The following TRAF7 variants were observed in gnomAD, a reference collection of about 807,000 sequenced individuals.
The protein encoded by TRAF7 is TNF receptor associated factor 7.
TRAF7 carries 45 observed loss-of-function variants against 89.3 expected under a neutral mutation model. The ratio of observed to expected loss-of-function variants is 0.50; its 90% confidence interval spans 0.40 to 0.65. The LOEUF (loss-of-function observed/expected upper bound fraction) is 0.65, where lower values mean the gene tolerates loss of function less well. Ranked by LOEUF, TRAF7 falls within the 30% of genes least tolerant of loss-of-function variation. The pLI, the probability that TRAF7 is intolerant of heterozygous loss-of-function variation, is 0.00. For synonymous variants in TRAF7, 406 were observed against 369.2 expected, an observed-to-expected ratio of 1.10 and a Z score of -1.14; for missense variants, 677 against 918.1, an observed-to-expected ratio of 0.74 and a Z score of 3.39.
chr16:2,175,282 C>T lies in TRAF7; in HGVS notation c.1387-19C>T. On this transcript the variant is annotated intron_variant, in intron 15 of 20. Coordinates refer to ENST00000326181, the MANE Select transcript of TRAF7 (RefSeq NM_032271.3). ...GGCAGGGCTTGGTGCCCTGAGGCTGCCGGTCCTTCCCCAATCAGGTGTGGG... is the reference window on the plus strand; with the variant it reads ...GGCAGGGCTTGGTGCCCTGAGGCTGTCGGTCCTTCCCCAATCAGGTGTGGG... 6.2e-7 allele frequency: 1 copy of T among 1,612,702 alleles called. No homozygotes were observed. Among genetic ancestry groups the T allele is most frequent in the South Asian group, 1.1e-5 (1 of 91,078 alleles).
rs768721743 is a variant in TRAF7 at position 2,157,260 on chromosome 16, G to A, written c.-39+1402G>A. Among the ~76,000 whole-genome samples, 9 of 152,246 alleles carry A rather than the reference G, an allele frequency of 5.9e-5. 1 individual carries two copies. Among genetic ancestry groups the A allele is most frequent in the African/African-American group, 1.9e-4 (8 of 41,552 alleles). ...TGGGCATTCATAGTTCTCTGTGGAA[G>A]CCTCGGGCCCCGTGTCCTGAGGGGG... On this transcript the variant is annotated intron_variant, in intron 1 of 20. Transcript: ENST00000326181.
intron 3 of TRAF7, 78 bp from the exon 4 acceptor site, chr16:2,167,999 G>T: frequency 7.2e-7 from 1 of 1,380,250 alleles, no homozygotes; most frequent in Middle Eastern, 2.4e-4. Context: ...CACAGGGTCG[G>T]GTATCCAGCA....
chr16:2,166,412 T>C (rs764061342), intron 3 of TRAF7, among the ~76,000 whole-genome samples: 6 of 151,974 alleles, frequency 3.9e-5, no homozygotes, highest in Non-Finnish European at 8.8e-5. Flanking sequence ...GATCCATAAG[T>C]CTGGTTTGTT....
intron 4 of TRAF7, among the ~76,000 whole-genome samples, chr16:2,169,602 C>G (rs1303829481): frequency 6.6e-6 from 1 of 152,196 alleles, no homozygotes; most frequent in East Asian, 1.9e-4. Flanking sequence ...GTGGGAGACT[C>G]TGGGGTAGTA....
chr16:2,169,910 A>G (rs1394800387), intron 4 of TRAF7, among the ~76,000 whole-genome samples: 1 of 152,134 alleles, frequency 6.6e-6, no homozygotes, highest in African/African-American at 2.4e-5. Flanking sequence ...TCTGCAGTCA[A>G]AGCACCAGGA....
At chr16:2,166,066 C>T in intron 3 of TRAF7, 130 bp downstream of exon 3, 1 of 1,120,094 alleles carries the variant, frequency 8.9e-7, no homozygotes, top group Non-Finnish European at 1.3e-6. Context: ...CGGGCAGCCT[C>T]ACACCGCAGC....
chr16:2,167,223 G>A (rs568976456), intron 3 of TRAF7, among the ~76,000 whole-genome samples: 45 of 152,286 alleles, frequency 3.0e-4, no homozygotes, highest in African/African-American at 7.2e-4. Flanking sequence ...GCCCCTCGGC[G>A]GCAGGGATGG....
chr16:2,177,972 G>A lies in TRAF7; in HGVS notation c.*1398G>A, dbSNP rs758817740. On this transcript the variant is annotated 3_prime_UTR_variant, in exon 21 of 21. Transcript: ENST00000326181. The stretch of plus-strand genomic sequence containing the variant: ...CTGGGCCTCTAACAGCTTTTGTCCG[G>A]AGCTAGACTTCGTGTCCTTTCAGTT... 1 of 381,078 alleles carries A rather than the reference G, an allele frequency of 2.6e-6. No homozygotes were observed. The highest frequency in any genetic ancestry group is 4.9e-6 in the Non-Finnish European group (1 of 202,876). 23.6% of individuals were successfully genotyped at this position (381,078 alleles called of 1,614,324 possible).
chr16:2,171,444 GGCCTTGGTCAA>G, intron 6 of TRAF7, 88 bp downstream of exon 6: 2 of 1,542,862 alleles, frequency 1.3e-6, no homozygotes, highest in South Asian at 1.2e-5. Context: ...GTGGCGCCCT[GGCCTTGGTCAA>G]GGCCTGTCCT....
At chr16:2,156,529 G>T (rs1221203305) in intron 1 of TRAF7, among the ~76,000 whole-genome samples, 2 of 152,116 alleles carry the variant, frequency 1.3e-5, no homozygotes, top group African/African-American at 4.8e-5. Context: ...GTACTGGCCG[G>T]GGGTAGGGGC....
rs1449938656 is a variant in TRAF7 at position 2,159,616 on chromosome 16, G to A, written c.-39+3758G>A. ...CCCTGGGCAGGCTCTGTGATGCCAG[G>A]GGCCACGCTCGGAGCTCTGGCCGCA... On this transcript the variant is annotated intron_variant, in intron 1 of 20. Coordinates refer to ENST00000326181, the MANE Select transcript of TRAF7 (RefSeq NM_032271.3). This position sits in a 1 kb window ranked among gnomAD's most constrained non-coding sequence, Gnocchi z 6.5. Among the ~76,000 whole-genome samples the A allele has an allele frequency of 6.6e-6, 1 of 152,180 alleles. No individual in the cohort carries two copies. The highest frequency in any genetic ancestry group is 6.5e-5 in the Admixed American group (1 of 15,294).
rs549179412 is a variant in TRAF7 at position 2,177,384 on chromosome 16, C to T, written c.*810C>T. The T allele has an allele frequency of 5.1e-4, 118 of 233,640 alleles. 2 individuals carry two copies. The East Asian group carries it at 6.0e-3, about 12-fold the overall frequency. The allele number at this position is 233,640 out of a possible 1,614,324, so 14.5% of individuals were successfully genotyped here. A position where few individuals can be genotyped will look rare whatever the true frequency, so the allele number is the denominator to read the frequency against. On this transcript the variant is annotated 3_prime_UTR_variant, in exon 21 of 21. Coordinates refer to ENST00000326181, the MANE Select transcript of TRAF7 (RefSeq NM_032271.3). ...GCCACCTCCGCCAGCCGCCTCCACCCGCCCCACACCACAATCGCTGGTTTT... is the reference window on the plus strand; with the variant it reads ...GCCACCTCCGCCAGCCGCCTCCACCTGCCCCACACCACAATCGCTGGTTTT...
Position 2,172,466 on chromosome 16 carries a change from G to C in TRAF7, c.661G>C (p.Asp221His), listed in dbSNP as rs768713660. The change falls in exon 9 of 21, where the codon GAC becomes CAC. Residue 221 changes from aspartate (D) to histidine (H), a missense_variant and splice_region_variant. Coordinates refer to ENST00000326181, the MANE Select transcript of TRAF7 (RefSeq NM_032271.3). ...PFTIKLSARK[D>H]HEGSCDYRPV... ...TCCCCGCATCCCGCCCTGGCACAGGGACCACGAGGGCAGCTGTGACTACAG... is the reference window on the plus strand; with the variant it reads ...TCCCCGCATCCCGCCCTGGCACAGGCACCACGAGGGCAGCTGTGACTACAG... The C allele has an allele frequency of 1.2e-6, 2 of 1,610,394 alleles. No homozygotes were observed. Among genetic ancestry groups the C allele is most frequent in the Admixed American group, 1.7e-5 (1 of 59,836 alleles).
intron 14 of TRAF7, 116 bp downstream of exon 14, chr16:2,174,449 A>G (rs2093127065): frequency 1.1e-6 from 1 of 942,756 alleles, no homozygotes; most frequent in Non-Finnish European, 1.6e-6. Flanking sequence ...TGCCCCACCT[A>G]TAGGGCACCC....
intron 5 of TRAF7, 135 bp downstream of exon 5, chr16:2,170,865 G>A: frequency 1.2e-6 from 1 of 839,080 alleles, no homozygotes; most frequent in Non-Finnish European, 1.9e-6. Flanking sequence ...GAACTGCAGT[G>A]CTTGCTGGTC....
chr16:2,170,693 G>A lies in TRAF7; in HGVS notation c.311G>A (p.Arg104His), dbSNP rs762612747. The change falls in exon 5 of 21, where the codon CGC (arginine) becomes CAC (histidine). Residue 104 changes from arginine (R) to histidine (H), a missense_variant. Physicochemically the swap from Arg to His is conservative, Grantham distance 29 (BLOSUM62 0). Around this residue, in one of 6 missense-constraint regions of TRAF7, gnomAD observed 240 missense variants for 191.9 expected, o/e 1.25. Transcript: ENST00000326181. ...CACTCAGAGTCCAGCATGTCTCTGC[G>A]CTCCACATTCTCACTGCCCGAGGAG... Reference protein sequence around the residue: ...SLHSESSMSLRSTFSLPEEEE... With the variant: ...SLHSESSMSLHSTFSLPEEEE... 1 of 1,607,464 alleles carries A rather than the reference G, an allele frequency of 6.2e-7. No homozygotes were observed. Among genetic ancestry groups the A allele is most frequent in the Non-Finnish European group, 8.5e-7 (1 of 1,177,464 alleles).
Position 2,174,127 on chromosome 16 carries a change from A to G in TRAF7, c.1263+79A>G, listed in dbSNP as rs1334304192. 4.4e-6 allele frequency: 7 copies of G among 1,604,980 alleles called. No homozygotes were observed. The Admixed American group carries it at 6.7e-5, about 15-fold the overall frequency. On this transcript the variant is annotated intron_variant, in intron 13 of 20. Transcript: ENST00000326181. ...CATGCCTGGCACTGCCAGCCTGCCTATGGGTGGGACCTTCTGGGCAGGGCC... is the reference window on the plus strand; with the variant it reads ...CATGCCTGGCACTGCCAGCCTGCCTGTGGGTGGGACCTTCTGGGCAGGGCC...
Position 2,158,768 on chromosome 16 carries a change from CGGGGGGGG to C in TRAF7, c.-39+2916_-39+2923del. 2.0e-5 allele frequency among the ~76,000 whole-genome samples: 1 copy of C among 50,912 alleles called. No homozygotes were observed. The highest frequency in any genetic ancestry group is 5.1e-4 in the East Asian group (1 of 1,954). The allele number at this position is 50,912 out of a possible 152,430, so 33.4% of individuals were successfully genotyped here. ...GTGGGACTGGGAAGCGTGGGCTCGG[CGGGGGGGG>C]GGGGGACACTGCCACCCTTGGCTCT... On this transcript the variant is annotated intron_variant, in intron 1 of 20. Transcript: ENST00000326181. The surrounding 1 kb of genome is among the most constrained non-coding windows in gnomAD (Gnocchi z 4.7).
chr16:2,160,002 G>C (rs977581905), intron 1 of TRAF7, among the ~76,000 whole-genome samples: 16 of 152,198 alleles, frequency 1.1e-4, no homozygotes, highest in Admixed American at 7.2e-4. Flanking sequence ...CGATGCCCCA[G>C]CAGAGCCCTC....
Sources: allele counts gnomAD v4.1 joint callset (sites outside exome capture counted in the v4.1 genomes callset), GRCh38; gene constraint gnomAD v4.1.1; regional missense constraint gnomAD v4.1.1; non-coding constraint Gnocchi (gnomAD v3.1); transcripts MANE v1.5; gene names NCBI Gene and HGNC (gene_info 2026-07-23, HGNC 2026-07-21).